ABCD2: variants seen among roughly 807,000 people sequenced by gnomAD.
ABCD2 encodes the protein ATP binding cassette subfamily D member 2, also known as ATP-binding cassette sub-family D member 2.
Under a neutral mutation model 70.9 loss-of-function variants are expected in ABCD2, and 36 were observed. The observed-to-expected ratio is 0.51, with a 90% CI of 0.39 to 0.67. ABCD2 has a LOEUF of 0.67. ABCD2 is among the 30% of genes least tolerant of loss of function. The pLI is 0.00. For synonymous variants in ABCD2, 304 were observed against 306.9 expected, an observed-to-expected ratio of 0.99 and a Z score of 0.10; for missense variants, 729 against 890.2, an observed-to-expected ratio of 0.82 and a Z score of 2.30.
chr12:39,534,906 AAGAAAG>A, the ABCD2 span, among the ~76,000 whole-genome samples: 2 of 87,370 alleles, frequency 2.3e-5, no homozygotes, highest in Non-Finnish European at 4.1e-5. Context: ...GAAAGAAAGA[AAGAAAG>A]AAAGAAAGAA....
chr12:39,546,652 T>C (rs1941027988), downstream of ABCD2, among the ~76,000 whole-genome samples: 1 of 151,824 alleles, frequency 6.6e-6, no homozygotes, highest in African/African-American at 2.4e-5. Flanking sequence ...AATGAATGAG[T>C]GGTTAGGGAA....
chr12:39,567,507 T>G (rs1941371820), intron 9 of ABCD2, among the ~76,000 whole-genome samples: 1 of 152,198 alleles, frequency 6.6e-6, no homozygotes, highest in South Asian at 2.1e-4. Flanking sequence ...ATCCCTTTAT[T>G]TTGAGCCTAT....
At chr12:39,607,794 C>G (rs1204415606) in intron 2 of ABCD2, 80 bp from the exon 3 acceptor site, 2 of 891,636 alleles carry the variant, frequency 2.2e-6, no homozygotes, top group Non-Finnish European at 3.4e-6. Context: ...ATTATACAAA[C>G]TAAATTGTGG....
At chr12:39,559,730 C>A (rs1211127076) in intron 9 of ABCD2, among the ~76,000 whole-genome samples, 1 of 152,040 alleles carries the variant, frequency 6.6e-6, no homozygotes, top group Non-Finnish European at 1.5e-5. Context: ...ACATATTCAA[C>A]GTGCTGAAGG....
the ABCD2 span, among the ~76,000 whole-genome samples, chr12:39,534,747 GGAAA>G: frequency 2.4e-4 from 20 of 84,850 alleles, no homozygotes; most frequent in South Asian, 5.2e-4. Flanking sequence ...AAGGAAGGAA[GGAAA>G]GAAAGAAAGA....
intron 9 of ABCD2, among the ~76,000 whole-genome samples, chr12:39,557,749 G>A (rs541950619): frequency 3.3e-5 from 5 of 152,166 alleles, no homozygotes; most frequent in African/African-American, 1.2e-4. Flanking sequence ...CCTTCTGAGG[G>A]TACAAGCCCC....
At chr12:39,570,661 G>A (rs145414801) in intron 9 of ABCD2, among the ~76,000 whole-genome samples, 5 of 152,134 alleles carry the variant, frequency 3.3e-5, no homozygotes, top group South Asian at 4.2e-4. Flanking sequence ...AATGAAATTT[G>A]GATATAAATT....
chr12:39,582,862 T>G (rs1216200971), intron 7 of ABCD2, among the ~76,000 whole-genome samples: 1 of 145,560 alleles, frequency 6.9e-6, no homozygotes, highest in Non-Finnish European at 1.5e-5. Context: ...AGCTACTAAT[T>G]TTTTTTTTTT....
At chr12:39,565,963 A>G (rs1393679675) in intron 9 of ABCD2, among the ~76,000 whole-genome samples, 1 of 152,174 alleles carries the variant, frequency 6.6e-6, no homozygotes, top group Non-Finnish European at 1.5e-5. Context: ...CCAGCCTTGC[A>G]TCCCAGGGAT....
At position 39,600,567 on chromosome 12, in the gene ABCD2, C is replaced by T. The variant is rs772642528; in HGVS notation, c.1646+4G>A. On this transcript the variant is annotated splice_donor_region_variant and intron_variant, in intron 6 of 9. Transcript: ENST00000308666. Reference sequence around the variant, plus strand: ...TTTCTTGTAATATAAAAAGATATACCTACCTTTGTGGAATATAAAACATAT... The same window carrying T: ...TTTCTTGTAATATAAAAAGATATACTTACCTTTGTGGAATATAAAACATAT... 4.0e-5 allele frequency: 63 copies of T among 1,570,440 alleles called. No individual in the cohort carries two copies. Among genetic ancestry groups the T allele is most frequent in the Non-Finnish European group, 5.3e-5 (61 of 1,160,902 alleles).
chr12:39,544,473 A>G, the ABCD2 span, among the ~76,000 whole-genome samples: 1 of 152,160 alleles, frequency 6.6e-6, no homozygotes, highest in Non-Finnish European at 1.5e-5. Flanking sequence ...AAGGGCTGTT[A>G]CTGTCTTTGT....
intron 8 of ABCD2, among the ~76,000 whole-genome samples, chr12:39,578,425 G>A (rs1941550358): frequency 1.4e-5 from 2 of 145,228 alleles, no homozygotes; most frequent in South Asian, 2.2e-4. Flanking sequence ...AGTGAGCCGA[G>A]ATGGTGCCAC....
At chr12:39,537,816 C>A in the ABCD2 span, among the ~76,000 whole-genome samples, 2 of 152,192 alleles carry the variant, frequency 1.3e-5, no homozygotes, top group African/African-American at 2.4e-5. Flanking sequence ...CCAGAGCTGA[C>A]CACGAACTGG....
the ABCD2 span, among the ~76,000 whole-genome samples, chr12:39,536,748 G>T: frequency 6.6e-6 from 1 of 152,054 alleles, no homozygotes; most frequent in African/African-American, 2.4e-5. Context: ...CCCCCTAAAT[G>T]TTTACTTTTC....
chr12:39,533,980 T>C, the ABCD2 span, among the ~76,000 whole-genome samples: 3 of 152,248 alleles, frequency 2.0e-5, no homozygotes, highest in African/African-American at 7.2e-5. Context: ...ATGTGAATAG[T>C]GTGCTTTGCA....
At chr12:39,566,703 T>G (rs1379019933) in intron 9 of ABCD2, among the ~76,000 whole-genome samples, 2 of 152,102 alleles carry the variant, frequency 1.3e-5, no homozygotes, top group African/African-American at 2.4e-5. Context: ...TGCTCCTCTA[T>G]TTCTTTTAAT....
intron 9 of ABCD2, among the ~76,000 whole-genome samples, chr12:39,570,258 A>C (rs1941428041): frequency 6.6e-6 from 1 of 152,260 alleles, no homozygotes; most frequent in East Asian, 1.9e-4. Context: ...GTGCAACTGC[A>C]AAACACCCAA....
In ABCD2 at chr12:39,569,212, C is replaced by T. The variant is rs564266238; in HGVS notation, c.2003+4504G>A. ...TCTGCTGCCTTTTGTTTGTCTATGC[C>T]CTACCCCCAGAGGTTGAGTCTACAG... On this transcript the variant is annotated intron_variant, in intron 9 of 9. Coordinates refer to ENST00000308666, the MANE Select transcript of ABCD2 (RefSeq NM_005164.4). Among the ~76,000 whole-genome samples, 17 of 152,278 alleles carry T rather than the reference C, an allele frequency of 1.1e-4. No individual in the cohort carries two copies. The South Asian group carries it at 2.1e-3, about 19-fold the overall frequency.
the ABCD2 span, among the ~76,000 whole-genome samples, chr12:39,533,096 C>T: frequency 8.6e-5 from 13 of 151,508 alleles, no homozygotes; most frequent in Non-Finnish European, 2.9e-5. Flanking sequence ...ACCTGGGAAG[C>T]GGAGATTGCA....
Sources: allele counts gnomAD v4.1 joint callset (sites outside exome capture counted in the v4.1 genomes callset), GRCh38; gene constraint gnomAD v4.1.1; transcripts MANE v1.5; gene names NCBI Gene and HGNC (gene_info 2026-07-23, HGNC 2026-07-21).